HACL1: variants seen among roughly 807,000 people sequenced by gnomAD.
HACL1 encodes the protein 1600020H07Rik.
HACL1 carries 64 observed loss-of-function variants against 74.2 expected under a neutral mutation model. The observed-to-expected ratio is 0.86, with a 90% CI of 0.70 to 1.06. The LOEUF (loss-of-function observed/expected upper bound fraction) is 1.06. Ranked by LOEUF, HACL1 falls within the 50% of genes least tolerant of loss-of-function variation. The pLI is 0.00. For synonymous variants in HACL1, 230 were observed against 238.8 expected, an observed-to-expected ratio of 0.96 and a Z score of 0.34; for missense variants, 728 against 719.7, an observed-to-expected ratio of 1.01 and a Z score of -0.13.
chr3:15,577,314 G>A, intron 9 of HACL1, among the ~76,000 whole-genome samples: 1 of 151,962 alleles, frequency 6.6e-6, no homozygotes, highest in Non-Finnish European at 1.5e-5. Flanking sequence ...GTGAGGCCCT[G>A]TCTCTACAAA....
At position 15,601,204 on chromosome 3, in the gene HACL1, G is replaced by T; in HGVS notation, c.82-10C>A. The stretch of plus-strand genomic sequence containing the variant: ...ATATGTACTCCACATCCTGAGGAAC[G>T]AAGAACAGGGGAGTAAACTCCCAAG... On this transcript the variant is annotated splice_polypyrimidine_tract_variant and intron_variant, in intron 1 of 16. Coordinates refer to ENST00000321169, the MANE Select transcript of HACL1 (RefSeq NM_012260.4). The T allele has an allele frequency of 1.3e-6, 2 of 1,597,344 alleles. No homozygotes were observed. The highest frequency in any genetic ancestry group is 1.7e-6 in the Non-Finnish European group (2 of 1,164,724).
At position 15,571,847 on chromosome 3, in the gene HACL1, T is replaced by C; in HGVS notation, c.994-78A>G. 4 of 649,706 alleles carry C rather than the reference T, an allele frequency of 6.2e-6. 1 individual carries two copies. The highest frequency in any genetic ancestry group is 8.0e-4 in the Middle Eastern group (2 of 2,514). The allele number at this position is 649,706 out of a possible 1,614,324, so 40.2% of individuals were successfully genotyped here. On this transcript the variant is annotated intron_variant, in intron 11 of 16. Coordinates refer to ENST00000321169, the MANE Select transcript of HACL1 (RefSeq NM_012260.4). ...TTTTTTTCTTTTTTTTTTTTTTTTT[T>C]TTTTTTTTTTGAGACGAAGTCTCGT... is the stretch of plus-strand genomic sequence containing the variant.
chr3:15,581,376 GTATA>G (rs916058029), intron 8 of HACL1, among the ~76,000 whole-genome samples: 17 of 151,752 alleles, frequency 1.1e-4, no homozygotes, highest in Non-Finnish European at 5.9e-5. Context: ...TCCATATTCT[GTATA>G]TATAATTCTC....
chr3:15,578,710 G>C (rs1291322694), intron 9 of HACL1, among the ~76,000 whole-genome samples: 1 of 152,182 alleles, frequency 6.6e-6, no homozygotes, highest in Non-Finnish European at 1.5e-5. Flanking sequence ...CTCCCAAGCA[G>C]CTGAAATTCC....
intron 3 of HACL1, among the ~76,000 whole-genome samples, chr3:15,595,273 C>A (rs937611367): frequency 6.6e-6 from 1 of 151,980 alleles, no homozygotes; most frequent in Non-Finnish European, 1.5e-5. Context: ...GTAAATAAAG[C>A]GGCAGAAAAC....
Position 15,592,065 on chromosome 3 carries a change from C to A in HACL1, c.228-385G>T, listed in dbSNP as rs975811886. ...TACACACACTATATACGTATATATA[C>A]GTATATACGTATACGTATATATACA... On this transcript the variant is annotated intron_variant, in intron 3 of 16. Coordinates refer to ENST00000321169, the MANE Select transcript of HACL1 (RefSeq NM_012260.4). Among the ~76,000 whole-genome samples the A allele has an allele frequency of 5.1e-3, 81 of 15,948 alleles. 3 individuals carry two copies. The highest frequency in any genetic ancestry group is 1.4e-3 in the Non-Finnish European group (9 of 6,488). The allele number at this position is 15,948 out of a possible 152,430, so 10.5% of individuals were successfully genotyped here.
At chr3:15,597,632 G>GAAA (rs757519778) in intron 2 of HACL1, among the ~76,000 whole-genome samples, 3 of 117,906 alleles carry the variant, frequency 2.5e-5, no homozygotes, top group Admixed American at 8.7e-5. Context: ...CATAAATGTG[G>GAAA]AAAAAAAAAA....
At chr3:15,569,029 A>G (rs1574911312) in intron 12 of HACL1, among the ~76,000 whole-genome samples, 2 of 152,364 alleles carry the variant, frequency 1.3e-5, no homozygotes, top group Admixed American at 1.3e-4. Flanking sequence ...CAATTTTAGA[A>G]TACAATCTGA....
intron 14 of HACL1, among the ~76,000 whole-genome samples, chr3:15,567,048 G>A (rs2063446808): frequency 6.6e-6 from 1 of 151,750 alleles, no homozygotes; most frequent in Admixed American, 6.6e-5. Flanking sequence ...TCTAACTCCT[G>A]ACCTCAGGTG....
intron 3 of HACL1, among the ~76,000 whole-genome samples, chr3:15,592,531 TGTATACACATGTACGCACATGTGTGCG>T: frequency 7.0e-6 from 1 of 143,100 alleles, no homozygotes; most frequent in Admixed American, 7.2e-5. Context: ...CATATACACA[TGTATACACATGTACGCACATGTGTGCG>T]TGTATACACA....
Position 15,601,078 on chromosome 3 carries a change from G to A in HACL1, c.186+12C>T. The A allele has an allele frequency of 6.5e-7, 1 of 1,548,914 alleles. No homozygotes were observed. The highest frequency in any genetic ancestry group is 8.9e-7 in the Non-Finnish European group (1 of 1,120,388). On this transcript the variant is annotated intron_variant, in intron 2 of 16. Transcript: ENST00000321169. ...CCCAGTAACGCATTCAGCCACCTGA[G>A]TCCATACTCACCGCTTGCTCATTCC... is the stretch of plus-strand genomic sequence containing the variant.
At chr3:15,584,838 A>G (rs1022474223) in intron 7 of HACL1, among the ~76,000 whole-genome samples, 5 of 152,220 alleles carry the variant, frequency 3.3e-5, no homozygotes, top group African/African-American at 1.2e-4. Context: ...AGAAACCTCT[A>G]TACTGGAATA....
At chr3:15,601,303 T>C (rs2064226409) in intron 1 of HACL1, 80 bp downstream of exon 1, 1 of 1,594,054 alleles carries the variant, frequency 6.3e-7, no homozygotes, top group Non-Finnish European at 8.6e-7. Context: ...CCATCGCCCA[T>C]TTCTACTCGT....
chr3:15,580,794 G>C, intron 8 of HACL1, among the ~76,000 whole-genome samples: 1 of 152,212 alleles, frequency 6.6e-6, no homozygotes, highest in East Asian at 1.9e-4. Context: ...CCTAGTCCAG[G>C]CATGGAAATT....
At chr3:15,570,303 C>G (rs963242445) in intron 12 of HACL1, among the ~76,000 whole-genome samples, 2 of 151,680 alleles carry the variant, frequency 1.3e-5, no homozygotes, top group African/African-American at 4.8e-5. Context: ...CCATTGCACT[C>G]CAGCCCTCTA....
At chr3:15,583,040 A>T (rs1431113140) in intron 7 of HACL1, 51 bp from the exon 8 acceptor site, 4 of 837,662 alleles carry the variant, frequency 4.8e-6, no homozygotes, top group Non-Finnish European at 7.9e-6. Context: ...TGATCTTTTT[A>T]TTGTGAAAAT....
rs74506826 is a variant in HACL1, at chr3:15,596,407, G to A, written c.204C>T (p.Ser68=). 0.021 allele frequency: 33,610 copies of A among 1,597,582 alleles called. 488 individuals are homozygous for A. Among genetic ancestry groups the A allele is most frequent in the Middle Eastern group, 0.09 (541 of 6,024 alleles). The change falls in exon 3 of 17, where the codon TCC becomes TCT. Residue 68 remains serine (S), a synonymous_variant. Coordinates refer to ENST00000321169, the MANE Select transcript of HACL1 (RefSeq NM_012260.4). ...RNEQAACYAA[S]AIGYLTSRPG... is the part of the protein sequence containing the mutation. ...ACCTGCTTGTCAGATATCCAATCGC[G>A]GAGGCAGCATAACAAGCCTACGAGA... is the stretch of plus-strand genomic sequence containing the variant.
intron 14 of HACL1, among the ~76,000 whole-genome samples, chr3:15,566,375 C>T (rs2063434106): frequency 6.6e-6 from 1 of 152,158 alleles, no homozygotes; most frequent in Admixed American, 6.5e-5. Flanking sequence ...TAGCTGGGGC[C>T]AAGCATGGTG....
chr3:15,586,423 G>A (rs2063794976), intron 6 of HACL1, 102 bp downstream of exon 6: 3 of 676,064 alleles, frequency 4.4e-6, no homozygotes, highest in Non-Finnish European at 5.3e-6. Flanking sequence ...GCCTGGGTAT[G>A]TTCCTAATTG....
Sources: gnomAD v4.1 joint callset for allele counts (sites outside exome capture counted in the v4.1 genomes callset) on GRCh38, gnomAD v4.1.1 for gene constraint, MANE v1.5 for transcripts, NCBI Gene and HGNC (gene_info 2026-07-23, HGNC 2026-07-21) for gene names.